The following PRKCE variants were observed in gnomAD, a reference collection of about 807,000 sequenced individuals.
PRKCE encodes the protein protein kinase C epsilon type.
PRKCE carries 16 observed loss-of-function variants against 85.4 expected under a neutral mutation model. The ratio of observed to expected loss-of-function variants is 0.19; its 90% CI spans 0.13 to 0.28. The LOEUF (loss-of-function observed/expected upper bound fraction) is 0.28. Among genes scored for constraint, PRKCE ranks in the 10% least tolerant of loss-of-function variants. The pLI is 1.00. For missense variants in PRKCE, 573 were observed against 975.2 expected, an observed-to-expected ratio of 0.59 and a Z score of 5.49; for synonymous variants, 388 against 371.5, an observed-to-expected ratio of 1.04 and a Z score of -0.51.
chr2:46,127,430 A>T (rs1173305017), intron 11 of PRKCE, among the ~76,000 whole-genome samples: 1 of 152,206 alleles, frequency 6.6e-6, no homozygotes, highest in Non-Finnish European at 1.5e-5. Context: ...CCAGATGTTC[A>T]CAGTCATGGC....
intron 2 of PRKCE, among the ~76,000 whole-genome samples, chr2:45,933,755 C>T (rs922110306): frequency 1.1e-4 from 16 of 152,118 alleles, no homozygotes; most frequent in African/African-American, 2.2e-4. Context: ...GGATTACAGG[C>T]GTGAGCCACC....
intron 10 of PRKCE, among the ~76,000 whole-genome samples, chr2:46,055,372 G>C (rs546169685): frequency 8.5e-5 from 13 of 152,228 alleles, no homozygotes; most frequent in African/African-American, 2.4e-4. Context: ...GTCTGCCCCT[G>C]CCAGCACCGA....
chr2:45,799,545 C>T lies in PRKCE; in HGVS notation c.349-43455C>T, dbSNP rs139436037. ...AACCACTGCACTCTAGCCTGGGCAA[C>T]GTAGCAAGACCCTGTCTCTAAAAGA... On this transcript the variant is annotated intron_variant, in intron 1 of 14. Transcript: ENST00000306156. 3.1e-3 allele frequency among the ~76,000 whole-genome samples: 468 copies of T among 152,068 alleles called. 4 individuals are homozygous for T. The highest frequency in any genetic ancestry group is 7.1e-3 in the South Asian group (34 of 4,812).
intron 11 of PRKCE, among the ~76,000 whole-genome samples, chr2:46,086,925 C>A (rs77752295): frequency 0.024 from 3,660 of 152,226 alleles, 97 homozygotes; most frequent in East Asian, 0.11. Flanking sequence ...ACTGCCCACT[C>A]CCCTTCCAAG....
rs141898830 is a variant in PRKCE at position 45,697,605 on chromosome 2, C to T, written c.348+45157C>T. Among the ~76,000 whole-genome samples the T allele has an allele frequency of 4.5e-3, 679 of 152,130 alleles. 12 individuals carry two copies. The highest frequency in any genetic ancestry group is 6.8e-3 in the Middle Eastern group (2 of 294). Reference sequence around the variant, plus strand: ...GCATCTCTAGCTCTTTCTTTTGTTCCGGCTCTGATTACCTCCCTCCCTAGG... The same window carrying T: ...GCATCTCTAGCTCTTTCTTTTGTTCTGGCTCTGATTACCTCCCTCCCTAGG... On this transcript the variant is annotated intron_variant, in intron 1 of 14. Transcript: ENST00000306156. This position sits in a 1 kb window ranked among gnomAD's most constrained non-coding sequence, Gnocchi z 4.2.
intron 1 of PRKCE, among the ~76,000 whole-genome samples, chr2:45,760,082 C>T (rs998718676): frequency 6.6e-6 from 1 of 152,144 alleles, no homozygotes; most frequent in Non-Finnish European, 1.5e-5. Context: ...CAGGAGGGAG[C>T]AATCTCTGTG....
intron 2 of PRKCE, among the ~76,000 whole-genome samples, chr2:45,885,001 A>ATTTTTTTTTT (rs55883420): frequency 2.8e-5 from 2 of 71,540 alleles, no homozygotes; most frequent in East Asian, 5.0e-4. Flanking sequence ...ATATATATAT[A>ATTTTTTTTTT]TTTGTTGTTG....
At chr2:45,684,053 G>A (rs145493586) in intron 1 of PRKCE, among the ~76,000 whole-genome samples, 8 of 152,304 alleles carry the variant, frequency 5.3e-5, no homozygotes, top group African/African-American at 1.9e-4. Flanking sequence ...TTGCTGGTAG[G>A]AGGGAGTGAG....
At chr2:45,744,902 C>T (rs967296680) in intron 1 of PRKCE, among the ~76,000 whole-genome samples, 1 of 152,230 alleles carries the variant, frequency 6.6e-6, no homozygotes, top group African/African-American at 2.4e-5. Flanking sequence ...AGCCACCGCA[C>T]CCAGCCATTT....
chr2:45,762,926 G>A (rs1684624048), intron 1 of PRKCE, among the ~76,000 whole-genome samples: 1 of 145,984 alleles, frequency 6.9e-6, no homozygotes, highest in Non-Finnish European at 1.5e-5. Flanking sequence ...CTCTTGAGGT[G>A]TTCTTTCTTT....
chr2:45,684,687 G>A (rs1393766270), intron 1 of PRKCE, among the ~76,000 whole-genome samples: 1 of 152,162 alleles, frequency 6.6e-6, no homozygotes. Flanking sequence ...GGGCAAGTTG[G>A]GACTGCACCT....
rs924195512 is a variant in PRKCE at position 45,652,030 on chromosome 2, G to A, written c.-71G>A. The A allele has an allele frequency of 3.2e-6, 4 of 1,240,088 alleles. No homozygotes were observed. Among genetic ancestry groups the A allele is most frequent in the Non-Finnish European group, 4.5e-6 (4 of 886,900 alleles). 76.8% of individuals were successfully genotyped at this position (1,240,088 alleles called of 1,614,324 possible). On this transcript the variant is annotated 5_prime_UTR_variant, in exon 1 of 15. Transcript: ENST00000306156. The surrounding 1 kb of genome is among the most constrained non-coding windows in gnomAD (Gnocchi z 7.7). ...AAGAGTCCCTGTGGCTCGGAGTGCC[G>A]GGCCGTCGGTTCTTCATTCCTGCCC...
chr2:46,147,266 G>C (rs950737780), intron 12 of PRKCE, among the ~76,000 whole-genome samples: 2 of 152,170 alleles, frequency 1.3e-5, no homozygotes, highest in Non-Finnish European at 2.9e-5. Context: ...TGCTTTTCTC[G>C]TGTTCTTCGT....
At position 46,187,033 on chromosome 2, in the gene PRKCE, C is replaced by T. The variant is rs959612040; in HGVS notation, c.*2152C>T. On this transcript the variant is annotated 3_prime_UTR_variant, in exon 15 of 15. Transcript: ENST00000306156. ...AGAGACTATCTTCTGGAGTTGAGTA[C>T]AAGCACAGAAACATCTTTACGGTGG... 1 of 152,336 alleles carries T rather than the reference C, an allele frequency of 6.6e-6. No homozygotes were observed. The highest frequency in any genetic ancestry group is 1.5e-5 in the Non-Finnish European group (1 of 67,970). 9.4% of individuals were successfully genotyped at this position (152,336 alleles called of 1,614,324 possible). A position where few individuals can be genotyped will look rare whatever the true frequency, so the allele number is the denominator to read the frequency against.
At chr2:45,722,402 C>CA (rs199636528) in intron 1 of PRKCE, among the ~76,000 whole-genome samples, 7 of 151,744 alleles carry the variant, frequency 4.6e-5, no homozygotes, top group South Asian at 2.1e-4. Context: ...GTGAAAGTGA[C>CA]AAAAAAAGCG....
At position 46,010,340 on chromosome 2, in the gene PRKCE, G is replaced by T. The variant is rs1174450667; in HGVS notation, c.1264-4G>T. 1.9e-6 allele frequency: 3 copies of T among 1,587,762 alleles called. No homozygotes were observed. Among genetic ancestry groups the T allele is most frequent in the African/African-American group, 2.7e-5 (2 of 74,740 alleles). Reference sequence around the variant, plus strand: ...GATTGATGGAGGCAATTGATTGATTGCAGGTCATGTTGGCAGAACTCAAGG... The same window carrying T: ...GATTGATGGAGGCAATTGATTGATTTCAGGTCATGTTGGCAGAACTCAAGG... On this transcript the variant is annotated splice_polypyrimidine_tract_variant and splice_region_variant and intron_variant, in intron 9 of 14. Coordinates refer to ENST00000306156, the MANE Select transcript of PRKCE (RefSeq NM_005400.3).
At chr2:45,688,458 T>G (rs1677473787) in intron 1 of PRKCE, among the ~76,000 whole-genome samples, 1 of 152,194 alleles carries the variant, frequency 6.6e-6, no homozygotes, top group Non-Finnish European at 1.5e-5. Context: ...TTTTCCCCCT[T>G]AACCCCAAAA....
intron 2 of PRKCE, among the ~76,000 whole-genome samples, chr2:45,889,727 T>C (rs1340967397): frequency 6.6e-6 from 1 of 152,226 alleles, no homozygotes; most frequent in African/African-American, 2.4e-5. Context: ...TGCAGAATTA[T>C]GAGCGTGCTT....
intron 1 of PRKCE, among the ~76,000 whole-genome samples, chr2:45,769,528 TG>T (rs1209284842): frequency 2.0e-5 from 3 of 152,188 alleles, no homozygotes; most frequent in African/African-American, 7.2e-5. Context: ...GCAGGGATCT[TG>T]GGCCCCGGAA....
Sources: gnomAD v4.1 joint callset for allele counts (sites outside exome capture counted in the v4.1 genomes callset) on GRCh38, gnomAD v4.1.1 for gene constraint, Gnocchi (gnomAD v3.1) non-coding constraint, MANE v1.5 for transcripts, NCBI Gene and HGNC (gene_info 2026-07-23, HGNC 2026-07-21) for gene names.